The following SPTB variants were observed in gnomAD, a reference collection of about 807,000 sequenced individuals.
The protein encoded by SPTB is spectrin beta, erythrocytic.
A neutral mutation model predicts 256.2 loss-of-function variants in SPTB; 45 were observed. The observed-to-expected ratio is 0.18, with a 90% confidence interval of 0.14 to 0.23. The LOEUF is 0.23. Ranked by LOEUF, SPTB falls within the 10% of genes least tolerant of loss-of-function variation. The pLI, the probability that SPTB is intolerant of heterozygous loss-of-function variation, is 1.00. For missense variants in SPTB, 2,715 were observed against 3,040.4 expected, an observed-to-expected ratio of 0.89 and a Z score of 2.52; for synonymous variants, 1,231 against 1,243.1, an observed-to-expected ratio of 0.99 and a Z score of 0.21.
rs530561062 is a variant in SPTB, at chr14:64,801,177, C to A, written c.763+108G>T. The A allele has an allele frequency of 4.4e-5, 42 of 951,110 alleles. No homozygotes were observed. In the Admixed American group the frequency reaches 8.5e-4, roughly 19 times the overall value. The allele number at this position is 951,110 out of a possible 1,614,324, so 58.9% of individuals were successfully genotyped here. On this transcript the variant is annotated intron_variant, in intron 7 of 35. Transcript: ENST00000644917. ...GCCCCTCACTGTGCCCACAGCTTGC[C>A]CAGCACCTGGGCCGGCCTCCAGAAG...
rs2082395829 is a variant in SPTB at position 64,778,229 on chromosome 14, A to T, written c.4563+928T>A. The stretch of plus-strand genomic sequence containing the variant: ...CTCTGAATATAATCTAGGCCTCTGC[A>T]CTGCTGCTGGGCTCACATGGTCCTG... On this transcript the variant is annotated intron_variant, in intron 22 of 35. Coordinates refer to ENST00000644917, the MANE Select transcript of SPTB (RefSeq NM_001355436.2). This position sits in a 1 kb window ranked among gnomAD's most constrained non-coding sequence, Gnocchi z 5.2. Among the ~76,000 whole-genome samples, 1 of 152,198 alleles carries T rather than the reference A, an allele frequency of 6.6e-6. No homozygotes were observed.
rs953126580 is a variant in SPTB, at chr14:64,845,322, C to T, written c.-51-22177G>A. 6.6e-6 allele frequency among the ~76,000 whole-genome samples: 1 copy of T among 152,198 alleles called. No homozygotes were observed. Among genetic ancestry groups the T allele is most frequent in the African/African-American group, 2.4e-5 (1 of 41,450 alleles). ...GTAGTTCTGTGTGTGCCCATTGGTA[C>T]AAACATTATAAACACAGATGTAAAG... On this transcript the variant is annotated intron_variant, in intron 1 of 35. Coordinates refer to ENST00000644917, the MANE Select transcript of SPTB (RefSeq NM_001355436.2). This position sits in a 1 kb window ranked among gnomAD's most constrained non-coding sequence, Gnocchi z 4.8.
chr14:64,874,207 C>T (rs1002346551), intron 1 of SPTB, among the ~76,000 whole-genome samples: 2 of 152,176 alleles, frequency 1.3e-5, no homozygotes, highest in African/African-American at 2.4e-5. Flanking sequence ...AAGCCCCACT[C>T]GCAGGCCCCC....
rs146561732 is a variant in SPTB at position 64,767,708 on chromosome 14, C to G, written c.6174G>C (p.Thr2058=). The G allele has an allele frequency of 6.2e-7, 1 of 1,614,088 alleles. No individual in the cohort carries two copies. Among genetic ancestry groups the G allele is most frequent in the Non-Finnish European group, 8.5e-7 (1 of 1,180,046 alleles). The change falls in exon 30 of 36, where the codon ACG becomes ACC. Residue 2058 remains threonine, a synonymous_variant. Transcript: ENST00000644917. ...CAGCAAAGCGCTCTGCCCAGCTGGC[C>G]GTGGACTTCTCAAAAGCCTCATGCC... ...IKRHEAFEKS[T]ASWAERFAAL...
At chr14:64,757,451 A>T (rs911521261) in intron 32 of SPTB, 1 of 152,240 alleles carries the variant, frequency 6.6e-6, no homozygotes, top group Non-Finnish European at 1.5e-5. Context: ...ATCAAAAATT[A>T]TGTGGCCAGG....
At position 64,777,111 on chromosome 14, in the gene SPTB, G is replaced by A. The variant is rs116771359; in HGVS notation, c.4564-1708C>T. ...TCAGGGAGGGCCTCTCTGAGGATAC[G>A]AAACTTGACCATGACATGAATGACG... On this transcript the variant is annotated intron_variant, in intron 22 of 35. Transcript: ENST00000644917. The surrounding 1 kb of genome is among the most constrained non-coding windows in gnomAD (Gnocchi z 4.5). Among the ~76,000 whole-genome samples the A allele has an allele frequency of 1.2e-3, 185 of 152,336 alleles. 1 individual carries two copies. The highest frequency in any genetic ancestry group is 4.2e-3 in the African/African-American group (174 of 41,570).
At chr14:64,869,447 TTAATA>T (rs1474070665) in intron 1 of SPTB, among the ~76,000 whole-genome samples, 6 of 152,038 alleles carry the variant, frequency 3.9e-5, no homozygotes, top group African/African-American at 7.2e-5. Flanking sequence ...AAATTTTTAA[TTAATA>T]TATTTATTTT....
At chr14:64,833,449 GGCA>G (rs1566793241) in intron 1 of SPTB, among the ~76,000 whole-genome samples, 1 of 151,998 alleles carries the variant, frequency 6.6e-6, no homozygotes, top group African/African-American at 2.4e-5. Flanking sequence ...TACTCAGGAA[GGCA>G]GAGGTGGGAG....
chr14:64,808,127 C>T (rs901291657), intron 2 of SPTB, among the ~76,000 whole-genome samples: 3 of 152,346 alleles, frequency 2.0e-5, no homozygotes. Context: ...ATTCTCTTGC[C>T]TCAGCCTCCT....
At chr14:64,791,457 T>C (rs1385717889) in intron 15 of SPTB, among the ~76,000 whole-genome samples, 6 of 150,312 alleles carry the variant, frequency 4.0e-5, no homozygotes, top group Non-Finnish European at 8.8e-5. Flanking sequence ...TCCCAGCTAC[T>C]TGGGAGGCTG....
Position 64,796,884 on chromosome 14 carries a change from T to C in SPTB, c.1183-169A>G, listed in dbSNP as rs1297175539. Among the ~76,000 whole-genome samples the C allele has an allele frequency of 1.3e-5, 2 of 152,136 alleles. No homozygotes were observed. Among genetic ancestry groups the C allele is most frequent in the Non-Finnish European group, 2.9e-5 (2 of 68,026 alleles). On this transcript the variant is annotated intron_variant, in intron 10 of 35. Transcript: ENST00000644917. This position sits in a 1 kb window ranked among gnomAD's most constrained non-coding sequence, Gnocchi z 4.1. The stretch of plus-strand genomic sequence containing the variant: ...GATCAATAAAAGCCTTTGGCTTTCA[T>C]GTCTGGGCCCATCAAAGATTCAGAG...
At position 64,782,281 on chromosome 14, in the gene SPTB, C is replaced by T. The variant is rs373890164; in HGVS notation, c.4266+9G>A. ...CCTAACACTCTGAGTCTACAACCCA[C>T]TCACGTGCCTTCAGCTTAGCCAACA... On this transcript the variant is annotated intron_variant, in intron 20 of 35. Coordinates refer to ENST00000644917, the MANE Select transcript of SPTB (RefSeq NM_001355436.2). 6.8e-6 allele frequency: 11 copies of T among 1,614,238 alleles called. No homozygotes were observed. Among genetic ancestry groups the T allele is most frequent in the Non-Finnish European group, 8.5e-6 (10 of 1,180,040 alleles).
In SPTB at chr14:64,787,265, C is replaced by A. The variant is rs905007159; in HGVS notation, c.2805-105G>T. On this transcript the variant is annotated intron_variant, in intron 15 of 35. Coordinates refer to ENST00000644917, the MANE Select transcript of SPTB (RefSeq NM_001355436.2). Reference sequence around the variant, plus strand: ...TCCCACATTTCCCACAAGTCTCCCCCCACAGACTTTGTATGATAAAAAGAA... The same window carrying A: ...TCCCACATTTCCCACAAGTCTCCCCACACAGACTTTGTATGATAAAAAGAA... 4.8e-6 allele frequency: 7 copies of A among 1,460,630 alleles called. No individual in the cohort carries two copies. In the Admixed American group the frequency reaches 7.7e-5, roughly 16 times the overall value. The allele number at this position is 1,460,630 out of a possible 1,614,324, so 90.5% of individuals were successfully genotyped here.
rs1040627950 is a variant in SPTB at position 64,746,361 on chromosome 14, G to A, written c.*2945C>T. ...TGGAAGCACGGTTGAGCAGGTGGAG[G>A]ACAGGACCCAGCTGGCCCCAGGGCC... On this transcript the variant is annotated 3_prime_UTR_variant, in exon 36 of 36. Coordinates refer to ENST00000644917, the MANE Select transcript of SPTB (RefSeq NM_001355436.2). The surrounding 1 kb of genome is among the most constrained non-coding windows in gnomAD (Gnocchi z 4.9). 3.9e-5 allele frequency: 6 copies of A among 152,576 alleles called. No individual in the cohort carries two copies. The highest frequency in any genetic ancestry group is 8.8e-5 in the Non-Finnish European group (6 of 68,048). 9.5% of individuals were successfully genotyped at this position (152,576 alleles called of 1,614,324 possible). A position where few individuals can be genotyped will look rare whatever the true frequency, so the allele number is the denominator to read the frequency against.
At position 64,831,091 on chromosome 14, in the gene SPTB, T is replaced by C. The variant is rs118068016; in HGVS notation, c.-51-7946A>G. On this transcript the variant is annotated intron_variant, in intron 1 of 35. Coordinates refer to ENST00000644917, the MANE Select transcript of SPTB (RefSeq NM_001355436.2). ...CCTCAAGTGGAGGGGGCAGGCAAGA[T>C]GGGCTCAGGGAAAGCTGGTGGTGAC... Among the ~76,000 whole-genome samples the C allele has an allele frequency of 4.0e-3, 614 of 152,190 alleles. 2 individuals carry two copies. Among genetic ancestry groups the C allele is most frequent in the Non-Finnish European group, 5.2e-3 (356 of 67,990 alleles).
chr14:64,784,404 A>G lies in SPTB; in HGVS notation c.3856-11T>C, dbSNP rs1407986533. The G allele has an allele frequency of 6.2e-7, 1 of 1,613,924 alleles. No individual in the cohort carries two copies. The highest frequency in any genetic ancestry group is 2.2e-5 in the East Asian group (1 of 44,892). ...GATCCAGAGAGTGAGCTGTGTGCAT[A>G]AAGAGTGGGCTGACTATCCCTGAGT... On this transcript the variant is annotated splice_polypyrimidine_tract_variant and intron_variant, in intron 18 of 35. Transcript: ENST00000644917.
chr14:64,788,335 C>T (rs765738118), intron 15 of SPTB, among the ~76,000 whole-genome samples: 1 of 152,162 alleles, frequency 6.6e-6, no homozygotes, highest in Non-Finnish European at 1.5e-5. Flanking sequence ...AGGAGATGGA[C>T]TGGACAGAGA....
In SPTB at chr14:64,759,557, A is replaced by T. The variant is rs2082064288; in HGVS notation, c.6346-5764T>A. On this transcript the variant is annotated intron_variant, in intron 32 of 35. Coordinates refer to ENST00000644917, the MANE Select transcript of SPTB (RefSeq NM_001355436.2). The surrounding 1 kb of genome is among the most constrained non-coding windows in gnomAD (Gnocchi z 4.8). ...GGTGGGGACTGCCTTACCCGACAGG[A>T]GGCGAGATCTATGGACAGAGAGCAC... Among the ~76,000 whole-genome samples the T allele has an allele frequency of 6.6e-6, 1 of 152,200 alleles. No individual in the cohort carries two copies. Among genetic ancestry groups the T allele is most frequent in the Non-Finnish European group, 1.5e-5 (1 of 68,030 alleles).
At position 64,759,286 on chromosome 14, in the gene SPTB, A is replaced by G. The variant is rs2082060217; in HGVS notation, c.6346-5493T>C. On this transcript the variant is annotated intron_variant, in intron 32 of 35. Coordinates refer to ENST00000644917, the MANE Select transcript of SPTB (RefSeq NM_001355436.2). This position sits in a 1 kb window ranked among gnomAD's most constrained non-coding sequence, Gnocchi z 4.8. ...CAAGTAGCTGGGCAGGGACCCACCC[A>G]TGACCCCCTGGCTGCGAACCTGCAG... Among the ~76,000 whole-genome samples the G allele has an allele frequency of 2.0e-5, 3 of 152,146 alleles. No homozygotes were observed. The highest frequency in any genetic ancestry group is 2.9e-5 in the Non-Finnish European group (2 of 68,026).
Sources: allele counts gnomAD v4.1 joint callset (sites outside exome capture counted in the v4.1 genomes callset), GRCh38; gene constraint gnomAD v4.1.1; non-coding constraint Gnocchi (gnomAD v3.1); transcripts MANE v1.5; gene names NCBI Gene and HGNC (gene_info 2026-07-23, HGNC 2026-07-21).